Variants in CAMKMT observed in about 807,000 individuals in gnomAD.
CAMKMT encodes the protein calmodulin-lysine N-methyltransferase, also known as CaM KMT.
Under a neutral mutation model 48.0 loss-of-function variants are expected in CAMKMT, and 53 were observed. That is an observed-to-expected ratio of 1.10 (90% confidence interval 0.89 to 1.39). The LOEUF (loss-of-function observed/expected upper bound fraction) is 1.39. Ranked by LOEUF, CAMKMT falls within the 40% of genes most tolerant of loss-of-function variation. The pLI, the probability that CAMKMT is intolerant of heterozygous loss-of-function variation, is 0.00. For missense variants in CAMKMT, 428 were observed against 402.7 expected, an observed-to-expected ratio of 1.06 and a Z score of -0.54; for synonymous variants, 165 against 152.3, an observed-to-expected ratio of 1.08 and a Z score of -0.61.
intron 3 of CAMKMT, 22 bp downstream of exon 3, chr2:44,390,327 T>C (rs1167194669): frequency 4.0e-6 from 6 of 1,506,328 alleles, no homozygotes; most frequent in Admixed American, 3.8e-5. Context: ...ATTCACTCTA[T>C]AGAAATATAT....
At chr2:44,413,898 C>A (rs1468496993) in intron 3 of CAMKMT, among the ~76,000 whole-genome samples, 1 of 152,166 alleles carries the variant, frequency 6.6e-6, no homozygotes, top group Non-Finnish European at 1.5e-5. Context: ...AAATTTTAGA[C>A]CTCATTCAAT....
At chr2:44,482,729 G>T (rs1455185045) in intron 3 of CAMKMT, among the ~76,000 whole-genome samples, 2 of 152,058 alleles carry the variant, frequency 1.3e-5, no homozygotes, top group African/African-American at 4.8e-5. Flanking sequence ...AAACTCTGTA[G>T]AATCCATGTT....
chr2:44,503,103 A>C (rs1229713457), intron 3 of CAMKMT, among the ~76,000 whole-genome samples: 1 of 152,116 alleles, frequency 6.6e-6, no homozygotes, highest in African/African-American at 2.4e-5. Context: ...ACTAAAGTCT[A>C]TTCAAAAAAA....
rs1048571888 is a variant in CAMKMT, at chr2:44,362,120, C to T, written c.113C>T (p.Ala38Val). ...RGPVVSAPLG[A>V]ARWKLLRQVL... ...CCCGTAGTCTCGGCGCCCCTGGGAGCCGCCCGGTGGAAGCTCCTGCGGCAG... is the reference window on the plus strand; with the variant it reads ...CCCGTAGTCTCGGCGCCCCTGGGAGTCGCCCGGTGGAAGCTCCTGCGGCAG... Residue 38 changes from alanine (A) to valine (V), a missense_variant, in exon 1 of 11, where the codon GCC becomes GTC. Transcript: ENST00000378494. The T allele has an allele frequency of 2.7e-6, 4 of 1,474,420 alleles. No individual in the cohort carries two copies. In the South Asian group the frequency reaches 4.0e-5, roughly 15 times the overall value. 91.3% of individuals were successfully genotyped at this position (1,474,420 alleles called of 1,614,324 possible).
chr2:44,611,691 A>G (rs1671606599), intron 3 of CAMKMT, among the ~76,000 whole-genome samples: 1 of 151,960 alleles, frequency 6.6e-6, no homozygotes, highest in Non-Finnish European at 1.5e-5. Flanking sequence ...GTAATTTATA[A>G]AGAAAAGAGG....
At chr2:44,382,194 C>G (rs571503317) in intron 2 of CAMKMT, among the ~76,000 whole-genome samples, 78 of 152,154 alleles carry the variant, frequency 5.1e-4, no homozygotes, top group African/African-American at 1.8e-3. Flanking sequence ...CTACCTGCGT[C>G]AACCTCCTAA....
At chr2:44,507,849 AAAC>A (rs1455933479) in intron 3 of CAMKMT, among the ~76,000 whole-genome samples, 3 of 152,214 alleles carry the variant, frequency 2.0e-5, no homozygotes, top group African/African-American at 7.2e-5. Flanking sequence ...CAGCCGAACT[AAAC>A]AATGTGCTTA....
intron 7 of CAMKMT, among the ~76,000 whole-genome samples, chr2:44,736,654 C>T (rs987301796): frequency 1.3e-5 from 2 of 152,152 alleles, no homozygotes; most frequent in African/African-American, 4.8e-5. Flanking sequence ...CATGTATTGA[C>T]CACTTAAAAT....
At chr2:44,436,801 G>T (rs888101470) in intron 3 of CAMKMT, among the ~76,000 whole-genome samples, 1 of 151,950 alleles carries the variant, frequency 6.6e-6, no homozygotes, top group Non-Finnish European at 1.5e-5. Flanking sequence ...CTAAGAAAAT[G>T]GATAAATTAT....
intron 4 of CAMKMT, chr2:44,705,499 T>C (rs1310715331): frequency 1.8e-5 from 18 of 985,254 alleles, no homozygotes; most frequent in Admixed American, 6.2e-5. Flanking sequence ...GGCGAGAATG[T>C]CACACGTTAA....
At chr2:44,378,626 T>C (rs1456648436) in intron 2 of CAMKMT, among the ~76,000 whole-genome samples, 1 of 152,188 alleles carries the variant, frequency 6.6e-6, no homozygotes, top group Non-Finnish European at 1.5e-5. Context: ...CCTGATTAGC[T>C]GGGACTACAG....
chr2:44,502,222 TA>T (rs202077757), intron 3 of CAMKMT, among the ~76,000 whole-genome samples: 53 of 146,934 alleles, frequency 3.6e-4, no homozygotes, highest in African/African-American at 4.5e-4. Context: ...ACTCTGTCTT[TA>T]AAAAAAAAAA....
intron 3 of CAMKMT, among the ~76,000 whole-genome samples, chr2:44,485,238 C>T (rs116281306): frequency 6.6e-6 from 1 of 152,218 alleles, no homozygotes; most frequent in African/African-American, 2.4e-5. Flanking sequence ...CACCAAAAGA[C>T]GTATGCAAGA....
intron 3 of CAMKMT, among the ~76,000 whole-genome samples, chr2:44,557,987 C>T (rs1668105106): frequency 6.6e-6 from 1 of 151,990 alleles, no homozygotes; most frequent in African/African-American, 2.4e-5. Context: ...TGAGTTTCAC[C>T]CAGGGATGAT....
intron 9 of CAMKMT, among the ~76,000 whole-genome samples, chr2:44,760,083 G>A (rs1053979276): frequency 3.3e-5 from 5 of 152,126 alleles, no homozygotes; most frequent in African/African-American, 9.7e-5. Flanking sequence ...TAGGAGCACT[G>A]TGGGAATCTC....
At chr2:44,606,660 G>A (rs1671300714) in intron 3 of CAMKMT, among the ~76,000 whole-genome samples, 1 of 151,934 alleles carries the variant, frequency 6.6e-6, no homozygotes, top group Non-Finnish European at 1.5e-5. Flanking sequence ...TTTTTATCAT[G>A]TTCTTACCTT....
intron 3 of CAMKMT, among the ~76,000 whole-genome samples, chr2:44,568,911 C>G (rs1276742602): frequency 6.6e-6 from 1 of 152,174 alleles, no homozygotes; most frequent in Non-Finnish European, 1.5e-5. Flanking sequence ...TGGAAGCATG[C>G]AAGCTACATT....
chr2:44,583,993 C>G (rs1211437378), intron 3 of CAMKMT, among the ~76,000 whole-genome samples: 1 of 152,152 alleles, frequency 6.6e-6, no homozygotes, highest in African/African-American at 2.4e-5. Flanking sequence ...TCCCCTCATT[C>G]AACATACAGG....
At chr2:44,751,616 A>G (rs1002506740) in intron 8 of CAMKMT, among the ~76,000 whole-genome samples, 1 of 152,164 alleles carries the variant, frequency 6.6e-6, no homozygotes, top group Non-Finnish European at 1.5e-5. Flanking sequence ...TGTATTTAAC[A>G]CGTGTCCTTG....
Sources: allele counts gnomAD v4.1 joint callset (sites outside exome capture counted in the v4.1 genomes callset), GRCh38; gene constraint gnomAD v4.1.1; transcripts MANE v1.5; gene names NCBI Gene and HGNC (gene_info 2026-07-23, HGNC 2026-07-21).